Variants in MAGI2 observed in about 807,000 individuals in gnomAD.
The protein encoded by MAGI2 is membrane-associated guanylate kinase, WW and PDZ domain-containing protein 2.
MAGI2 carries 35 observed loss-of-function variants against 133.3 expected under a neutral mutation model. That is an observed-to-expected ratio of 0.26 (90% CI 0.20 to 0.35). The LOEUF (loss-of-function observed/expected upper bound fraction) is 0.35, where lower values mean the gene tolerates loss of function less well. Among genes scored for constraint, MAGI2 ranks in the 10% least tolerant of loss-of-function variants. The pLI is 1.00. For synonymous variants in MAGI2, 729 were observed against 710.6 expected (o/e 1.03, Z -0.41); for missense variants, 1,636 against 1,863.4 (o/e 0.88, Z 2.25).
intron 16 of MAGI2, among the ~76,000 whole-genome samples, chr7:78,142,378 AG>A (rs1297352498): frequency 2.0e-5 from 3 of 152,170 alleles, no homozygotes; most frequent in African/African-American, 7.2e-5. Context: ...ACAGCTACCA[AG>A]AAAAATCACC....
At chr7:78,132,471 C>T (rs1223123010) in intron 18 of MAGI2, among the ~76,000 whole-genome samples, 2 of 152,188 alleles carry the variant, frequency 1.3e-5, no homozygotes, top group African/African-American at 4.8e-5. Flanking sequence ...TAGGGTGGGC[C>T]CCAGCCACCC....
chr7:78,754,559 C>T (rs1001818862), intron 2 of MAGI2, among the ~76,000 whole-genome samples: 2 of 151,948 alleles, frequency 1.3e-5, no homozygotes, highest in South Asian at 2.1e-4. Flanking sequence ...CATCAAAATT[C>T]TTAGAGGCTC....
chr7:79,002,077 A>G (rs1806913737), intron 2 of MAGI2, among the ~76,000 whole-genome samples: 1 of 151,684 alleles, frequency 6.6e-6, no homozygotes, highest in African/African-American at 2.4e-5. Flanking sequence ...AAAATCTTAT[A>G]TAGCCTGAAA....
intron 2 of MAGI2, among the ~76,000 whole-genome samples, chr7:78,798,947 A>T (rs1263464315): frequency 1.3e-5 from 2 of 152,204 alleles, no homozygotes; most frequent in African/African-American, 4.8e-5. Flanking sequence ...ACCTTGCAAG[A>T]AGATCAAGAA....
chr7:78,292,715 G>A lies in MAGI2; in HGVS notation c.1409-36134C>T, dbSNP rs141470713. Among the ~76,000 whole-genome samples the A allele has an allele frequency of 1.3e-3, 195 of 152,260 alleles. 1 individual carries two copies. Among genetic ancestry groups the A allele is most frequent in the African/African-American group, 4.0e-3 (168 of 41,562 alleles). On this transcript the variant is annotated intron_variant, in intron 9 of 21. Coordinates refer to ENST00000354212, the MANE Select transcript of MAGI2 (RefSeq NM_012301.4). ...AAGGCTACAGTAACAAAAACAGCACGGTACTGGTACGAAAACAGAGATATA... is the reference window on the plus strand; with the variant it reads ...AAGGCTACAGTAACAAAAACAGCACAGTACTGGTACGAAAACAGAGATATA...
chr7:78,874,502 T>C (rs986803444), intron 2 of MAGI2, among the ~76,000 whole-genome samples: 9 of 152,180 alleles, frequency 5.9e-5, no homozygotes, highest in Admixed American at 2.6e-4. Context: ...TTTCAAAAAC[T>C]GATTTCCTGT....
chr7:78,259,022 C>T (rs2150958301), intron 9 of MAGI2, among the ~76,000 whole-genome samples: 1 of 152,290 alleles, frequency 6.6e-6, no homozygotes, highest in East Asian at 1.9e-4. Flanking sequence ...CATTGCTTTA[C>T]ATCTGACACA....
chr7:78,430,424 G>A (rs1238310544), intron 6 of MAGI2, among the ~76,000 whole-genome samples: 1 of 151,754 alleles, frequency 6.6e-6, no homozygotes, highest in East Asian at 1.9e-4. Context: ...ATGTCTGAGT[G>A]CAGTTCTAAT....
intron 1 of MAGI2, among the ~76,000 whole-genome samples, chr7:79,247,367 C>G (rs1383797515): frequency 6.6e-6 from 1 of 152,084 alleles, no homozygotes; most frequent in Non-Finnish European, 1.5e-5. Context: ...GTAATCCCAG[C>G]ACTTTGGGAG....
At chr7:78,467,090 A>G (rs1246474143) in intron 6 of MAGI2, among the ~76,000 whole-genome samples, 3 of 152,206 alleles carry the variant, frequency 2.0e-5, no homozygotes, top group African/African-American at 7.2e-5. Context: ...CAAAGTTTAT[A>G]TAACTAGTAA....
At chr7:79,084,540 G>A (rs931198252) in intron 1 of MAGI2, among the ~76,000 whole-genome samples, 4 of 151,778 alleles carry the variant, frequency 2.6e-5, no homozygotes, top group Middle Eastern at 3.4e-3. Flanking sequence ...GTTTTTCAAT[G>A]TTTACTGATA....
intron 20 of MAGI2, among the ~76,000 whole-genome samples, chr7:78,124,151 C>G (rs1404164545): frequency 6.6e-6 from 1 of 152,198 alleles, no homozygotes; most frequent in South Asian, 2.1e-4. Flanking sequence ...TGCACATGGT[C>G]TTCCTACTGT....
intron 1 of MAGI2, among the ~76,000 whole-genome samples, chr7:79,061,883 C>T (rs1262272357): frequency 6.6e-6 from 1 of 151,980 alleles, no homozygotes; most frequent in African/African-American, 2.4e-5. Flanking sequence ...CCTGCTCCAC[C>T]TTATACATGT....
intron 10 of MAGI2, among the ~76,000 whole-genome samples, chr7:78,233,234 G>T (rs1304209405): frequency 6.6e-6 from 1 of 152,128 alleles, no homozygotes; most frequent in Non-Finnish European, 1.5e-5. Context: ...AGGTTAACAA[G>T]CAACACAAGC....
At chr7:78,210,364 G>A (rs1026904715) in intron 10 of MAGI2, among the ~76,000 whole-genome samples, 6 of 152,102 alleles carry the variant, frequency 3.9e-5, no homozygotes, top group African/African-American at 7.2e-5. Context: ...GATGAGTCCC[G>A]GAGATTTGCT....
chr7:78,136,904 T>C (rs1436666070), intron 16 of MAGI2, among the ~76,000 whole-genome samples: 1 of 152,162 alleles, frequency 6.6e-6, no homozygotes. Flanking sequence ...AGATAGCATA[T>C]GAAAATATTG....
chr7:79,415,475 A>C (rs1846434739), intron 1 of MAGI2: 1 of 152,150 alleles, frequency 6.6e-6, no homozygotes. Flanking sequence ...TGTTCTTGAG[A>C]GTTCAAAGGC....
chr7:78,674,750 C>A (rs1814804505), intron 2 of MAGI2, among the ~76,000 whole-genome samples: 2 of 151,972 alleles, frequency 1.3e-5, no homozygotes, highest in African/African-American at 4.8e-5. Flanking sequence ...AATGTTAAGG[C>A]CCAAGAGAGC....
chr7:78,455,015 C>G (rs73148390), intron 6 of MAGI2, among the ~76,000 whole-genome samples: 1 of 151,950 alleles, frequency 6.6e-6, no homozygotes, highest in African/African-American at 2.4e-5. Flanking sequence ...TTGTCAAAAC[C>G]GACAGAACTG....
Sources: allele counts gnomAD v4.1 joint callset (sites outside exome capture counted in the v4.1 genomes callset), GRCh38; gene constraint gnomAD v4.1.1; transcripts MANE v1.5; gene names NCBI Gene and HGNC (gene_info 2026-07-23, HGNC 2026-07-21).